Variants in NPY1R observed in about 807,000 individuals in gnomAD.
NPY1R encodes the protein neuropeptide Y receptor type 1.
Under a neutral mutation model 24.1 loss-of-function variants are expected in NPY1R, and 10 were observed. That is an observed-to-expected ratio of 0.42 (90% CI 0.26 to 0.71). The LOEUF (loss-of-function observed/expected upper bound fraction) is 0.71. Among genes scored for constraint, NPY1R ranks in the 30% least tolerant of loss-of-function variants. The pLI is 0.28. For missense variants in NPY1R, 350 were observed against 458.0 expected (o/e 0.76, Z 2.15); for synonymous variants, 168 against 165.9 (o/e 1.01, Z -0.10).
chr4:163,332,132 T>C (rs1734745621), intron 1 of NPY1R, among the ~76,000 whole-genome samples: 1 of 152,348 alleles, frequency 6.6e-6, no homozygotes, highest in East Asian at 1.9e-4. Context: ...GGGTGTGGGA[T>C]AGGCGAACTC....
intron 1 of NPY1R, among the ~76,000 whole-genome samples, chr4:163,341,223 A>G (rs1404734733): frequency 6.6e-6 from 1 of 152,122 alleles, no homozygotes; most frequent in Non-Finnish European, 1.5e-5. Context: ...AGCATCATAA[A>G]ATATTTTTGA....
At chr4:163,341,659 G>A (rs1734983716) in intron 1 of NPY1R, among the ~76,000 whole-genome samples, 1 of 152,058 alleles carries the variant, frequency 6.6e-6, no homozygotes, top group African/African-American at 2.4e-5. Flanking sequence ...GTAATAACAG[G>A]GCAATAGCCA....
In NPY1R at chr4:163,326,240, G is replaced by T. The variant is rs1560855730; in HGVS notation, c.315C>A (p.His105Gln). ...PFTFVYTLMD[H>Q]WVFGEAMCKL... ...TACACATCGCCTCACCAAAGACCCA[G>T]TGGTCCATTAATGTGTAGACAAATG... The change falls in exon 2 of 3, where the codon CAC becomes CAA. Residue 105 changes from histidine to glutamine, a missense_variant. By Grantham distance (24) the His-to-Gln change is conservative. Coordinates refer to ENST00000296533, the MANE Select transcript of NPY1R (RefSeq NM_000909.6). 1 of 1,614,148 alleles carries T rather than the reference G, an allele frequency of 6.2e-7. No individual in the cohort carries two copies. Among genetic ancestry groups the T allele is most frequent in the Non-Finnish European group, 8.5e-7 (1 of 1,179,968 alleles).
chr4:163,340,600 T>C lies in NPY1R; in HGVS notation c.-152+3705A>G, dbSNP rs186653779. On this transcript the variant is annotated intron_variant, in intron 1 of 1. Transcript: ENST00000511901. The stretch of plus-strand genomic sequence containing the variant: ...TATGTTTGTAATGCATGCTAATTAA[T>C]GGCATAAAGTCATAAGTAGTCAGGT... 3.5e-4 allele frequency among the ~76,000 whole-genome samples: 53 copies of C among 152,166 alleles called. No individual in the cohort carries two copies. In the East Asian group the frequency reaches 0.01, roughly 29 times the overall value.
upstream of NPY1R, among the ~76,000 whole-genome samples, chr4:163,336,014 T>G (rs1041042887): frequency 6.6e-6 from 1 of 152,140 alleles, no homozygotes; most frequent in Non-Finnish European, 1.5e-5. Flanking sequence ...AGAAAAAAAG[T>G]GATGATTAAT....
rs75430619 is a variant in NPY1R, at chr4:163,326,048, A to G, written c.507T>C (p.Ser169=). The change falls in exon 2 of 3, where the codon TCT becomes TCC. Residue 169 remains serine (S), a synonymous_variant. Transcript: ENST00000296533. ...IAVIWVLAVA[S]SLPFLIYQVM... ...CTTGGTAGATCAGGAAAGGCAAAGA[A>G]GAAGCCACAGCAAGGACCCAAATCA... 1,289 of 1,614,160 alleles carry G rather than the reference A, an allele frequency of 8.0e-4. 12 individuals carry two copies. The African/African-American group carries it at 0.015, about 19-fold the overall frequency.
At chr4:163,338,138 T>G (rs544275351) in intron 1 of NPY1R, among the ~76,000 whole-genome samples, 1 of 146,296 alleles carries the variant, frequency 6.8e-6, no homozygotes, top group East Asian at 2.1e-4. Context: ...AGGCTTTTTT[T>G]TCCCCCTAGG....
At chr4:163,328,160 A>G (rs1427645001) in intron 1 of NPY1R, among the ~76,000 whole-genome samples, 1 of 152,080 alleles carries the variant, frequency 6.6e-6, no homozygotes, top group African/African-American at 2.4e-5. Flanking sequence ...AGTTGCTACA[A>G]TGAAGTCAGA....
chr4:163,338,300 A>C (rs959511340), intron 1 of NPY1R, among the ~76,000 whole-genome samples: 1 of 152,228 alleles, frequency 6.6e-6, no homozygotes, highest in Non-Finnish European at 1.5e-5. Flanking sequence ...CTCTAAATAT[A>C]GTCAAAAATA....
upstream of NPY1R, among the ~76,000 whole-genome samples, chr4:163,334,840 A>G (rs1375870681): frequency 2.0e-5 from 3 of 150,894 alleles, no homozygotes; most frequent in African/African-American, 7.3e-5. Flanking sequence ...AGCCTGGGCA[A>G]CAGAGCAAGA....
At chr4:163,342,277 T>A (rs1382613160) in intron 1 of NPY1R, among the ~76,000 whole-genome samples, 4 of 152,258 alleles carry the variant, frequency 2.6e-5, no homozygotes, top group Non-Finnish European at 2.9e-5. Context: ...ACTAGTGTTT[T>A]GAAAGTCACA....
upstream of NPY1R, chr4:163,332,727 G>C (rs1246282337): frequency 6.6e-6 from 1 of 152,318 alleles, no homozygotes; most frequent in Non-Finnish European, 1.5e-5. Flanking sequence ...CACACCTCGG[G>C]GAAGCATTGC....
chr4:163,338,674 A>G (rs1447930624), intron 1 of NPY1R, among the ~76,000 whole-genome samples: 1 of 151,942 alleles, frequency 6.6e-6, no homozygotes, highest in Non-Finnish European at 1.5e-5. Flanking sequence ...AATTACCAGA[A>G]TCCACCAGAG....
chr4:163,335,615 T>A (rs1162689300), upstream of NPY1R, among the ~76,000 whole-genome samples: 4 of 152,080 alleles, frequency 2.6e-5, no homozygotes, highest in Non-Finnish European at 5.9e-5. Context: ...ACGAGAAAAC[T>A]GAAATGTATA....
Position 163,325,476 on chromosome 4 carries a change from G to A in NPY1R, c.982C>T (p.Gln328Ter). The change falls in exon 3 of 3, where the codon CAG becomes TAG. Residue 328 changes from glutamine to a stop codon, truncating the protein, a stop_gained. Transcript: ENST00000296533. LOFTEE classifies it high-confidence loss of function. Reference sequence around the variant, plus strand: ...TTGAAGAAGAACTGCAAGTCTCTCTGGAAGTTTTTGTTCAGGAACCCATAA... The same window carrying A: ...TTGAAGAAGAACTGCAAGTCTCTCTAGAAGTTTTTGTTCAGGAACCCATAA... The part of the protein sequence containing the change: ...IFYGFLNKNF[Q>*]RDLQFFFNFC... 1 of 1,614,104 alleles carries A rather than the reference G, an allele frequency of 6.2e-7. No individual in the cohort carries two copies. The highest frequency in any genetic ancestry group is 8.5e-7 in the Non-Finnish European group (1 of 1,179,974).
In NPY1R at chr4:163,325,401, A is replaced by T. The variant is rs894365200; in HGVS notation, c.1057T>A (p.Ser353Thr). 3.1e-6 allele frequency: 5 copies of T among 1,614,042 alleles called. No individual in the cohort carries two copies. Among genetic ancestry groups the T allele is most frequent in the Non-Finnish European group, 3.4e-6 (4 of 1,180,000 alleles). Residue 353 changes from serine to threonine, a missense_variant, in exon 3 of 3, where the codon TCC (serine) becomes ACC (threonine). Ser to Thr is a moderately conservative substitution (Grantham distance 58, BLOSUM62 1). Transcript: ENST00000296533. ...RDDDYETIAM[S>T]TMHTDVSKTS... ...TTGGAAACATCTGTGTGCATCGTGG[A>T]CATGGCTATTGTTTCATAATCATCA...
At chr4:163,339,108 C>A (rs187370898) in intron 1 of NPY1R, among the ~76,000 whole-genome samples, 14 of 152,328 alleles carry the variant, frequency 9.2e-5, no homozygotes, top group Admixed American at 9.1e-4. Flanking sequence ...CCAGGTGTCT[C>A]AAGTGAAGGG....
intron 1 of NPY1R, chr4:163,330,999 G>C (rs1734712879): frequency 1.3e-5 from 2 of 152,388 alleles, no homozygotes; most frequent in South Asian, 4.1e-4. Context: ...GGGAGGGCTT[G>C]TTCAACAGAC....
In NPY1R at chr4:163,325,399, G is replaced by A. The variant is rs1734580564; in HGVS notation, c.1059C>T (p.Ser353=). The A allele has an allele frequency of 6.2e-7, 1 of 1,613,952 alleles. No individual in the cohort carries two copies. The highest frequency in any genetic ancestry group is 1.7e-5 in the Admixed American group (1 of 59,992). The part of the protein sequence containing the change: ...RDDDYETIAM[S]TMHTDVSKTS... ...TTTTGGAAACATCTGTGTGCATCGT[G>A]GACATGGCTATTGTTTCATAATCAT... The change falls in exon 3 of 3, where the codon TCC becomes TCT. Residue 353 remains serine (S), a synonymous_variant. Transcript: ENST00000296533.
Sources: allele counts gnomAD v4.1 joint callset (sites outside exome capture counted in the v4.1 genomes callset), GRCh38; gene constraint gnomAD v4.1.1; transcripts MANE v1.5; gene names NCBI Gene and HGNC (gene_info 2026-07-23, HGNC 2026-07-21).